The following NDUFAF2 variants were observed in gnomAD, a reference collection of about 807,000 sequenced individuals.
The protein encoded by NDUFAF2 is NADH:ubiquinone oxidoreductase complex assembly factor 2.
NDUFAF2 carries 13 observed loss-of-function variants against 22.8 expected under a neutral mutation model. The ratio of observed to expected loss-of-function variants is 0.57; its 90% CI spans 0.37 to 0.91. The LOEUF is 0.91. Ranked by LOEUF, NDUFAF2 falls within the 40% of genes least tolerant of loss-of-function variation. The pLI, the probability that NDUFAF2 is intolerant of heterozygous loss-of-function variation, is 0.01. For synonymous variants in NDUFAF2, 53 were observed against 64.2 expected (o/e 0.83, Z 0.84); for missense variants, 162 against 195.2 (o/e 0.83, Z 1.01).
intron 3 of NDUFAF2, 47 bp downstream of exon 3, chr5:61,099,079 G>T: frequency 7.5e-7 from 1 of 1,335,896 alleles, no homozygotes. Flanking sequence ...ATATTCCCAA[G>T]GATATACGAA....
At chr5:61,040,867 C>G (rs149098982) in intron 1 of NDUFAF2, among the ~76,000 whole-genome samples, 8 of 152,170 alleles carry the variant, frequency 5.3e-5, no homozygotes, top group Non-Finnish European at 1.2e-4. Flanking sequence ...AGTAGGATAA[C>G]TGTTGTTATC....
rs182338600 is a variant in NDUFAF2, at chr5:61,111,603, G to A, written c.258+12571G>A. Among the ~76,000 whole-genome samples the A allele has an allele frequency of 4.5e-3, 685 of 151,576 alleles. 2 individuals are homozygous for A. Among genetic ancestry groups the A allele is most frequent in the Non-Finnish European group, 6.0e-3 (409 of 67,810 alleles). ...AGGTGCTCGCCACTACACACAGCTA[G>A]GTTTTTTTTGTTTGTTTTTTTGTCT... On this transcript the variant is annotated intron_variant, in intron 3 of 3. Transcript: ENST00000296597.
intron 1 of NDUFAF2, among the ~76,000 whole-genome samples, chr5:61,009,554 C>T (rs1751417938): frequency 6.6e-6 from 1 of 152,068 alleles, no homozygotes; most frequent in South Asian, 2.1e-4. Context: ...TTTCAAGATT[C>T]CTTGGACCTA....
chr5:60,988,925 A>G (rs1049152572), intron 1 of NDUFAF2, among the ~76,000 whole-genome samples: 4 of 152,236 alleles, frequency 2.6e-5, no homozygotes, highest in African/African-American at 9.6e-5. Context: ...AAATTGAGAA[A>G]TGGGATCTAA....
At chr5:61,037,218 A>G (rs995865651) in intron 1 of NDUFAF2, among the ~76,000 whole-genome samples, 19 of 152,340 alleles carry the variant, frequency 1.2e-4, no homozygotes, top group East Asian at 3.9e-4. Flanking sequence ...TGAAAGTGGT[A>G]TCATTCAAAA....
chr5:61,085,344 A>C (rs1027023006), intron 2 of NDUFAF2, among the ~76,000 whole-genome samples: 1 of 152,162 alleles, frequency 6.6e-6, no homozygotes, highest in Non-Finnish European at 1.5e-5. Context: ...TTCAATATAC[A>C]TTTATGATTA....
chr5:61,080,687 T>A (rs552327537), intron 2 of NDUFAF2, among the ~76,000 whole-genome samples: 1 of 152,096 alleles, frequency 6.6e-6, no homozygotes, highest in Admixed American at 6.5e-5. Flanking sequence ...TTGCCCAGAA[T>A]TTTTTTAATT....
rs746921473 is a variant in NDUFAF2 at position 61,109,004 on chromosome 5, A to G, written c.258+9972A>G. On this transcript the variant is annotated intron_variant, in intron 3 of 3. Coordinates refer to ENST00000296597, the MANE Select transcript of NDUFAF2 (RefSeq NM_174889.5). The stretch of plus-strand genomic sequence containing the variant: ...TTCTATTTCTGTGAATGTCATTGGT[A>G]TTTTGATAGGATTTGCATTGAATCT... 7.9e-5 allele frequency among the ~76,000 whole-genome samples: 12 copies of G among 152,066 alleles called. No homozygotes were observed. In the South Asian group the frequency reaches 1.7e-3, roughly 21 times the overall value.
Position 61,006,673 on chromosome 5 carries a change from G to A in NDUFAF2, c.127+61291G>A, listed in dbSNP as rs149770755. Among the ~76,000 whole-genome samples, 1,097 of 152,126 alleles carry A rather than the reference G, an allele frequency of 7.2e-3. 10 individuals are homozygous for A. The highest frequency in any genetic ancestry group is 0.025 in the African/African-American group (1,055 of 41,522). ...GGTCCTTCACATCCCTTGTAAGTTG[G>A]ATTCCTAGCTATTTTATTCTTTTTA... On this transcript the variant is annotated intron_variant, in intron 1 of 3. Transcript: ENST00000296597.
At chr5:61,080,569 C>G (rs1418379441) in intron 2 of NDUFAF2, among the ~76,000 whole-genome samples, 1 of 152,096 alleles carries the variant, frequency 6.6e-6, no homozygotes, top group Admixed American at 6.6e-5. Context: ...GTTTTGATAT[C>G]TCATTGTGGT....
chr5:61,034,939 T>TGC (rs1751778462), intron 1 of NDUFAF2, among the ~76,000 whole-genome samples: 1 of 151,980 alleles, frequency 6.6e-6, no homozygotes, highest in Non-Finnish European at 1.5e-5. Flanking sequence ...TGTGTGTGTG[T>TGC]GTGTAACAAA....
At chr5:60,996,914 A>T (rs1751235585) in intron 1 of NDUFAF2, among the ~76,000 whole-genome samples, 1 of 152,134 alleles carries the variant, frequency 6.6e-6, no homozygotes, top group South Asian at 2.1e-4. Flanking sequence ...CGGGATATGA[A>T]GTTCAAACCA....
rs914260860 is a variant in NDUFAF2 at position 61,006,443 on chromosome 5, A to G, written c.127+61061A>G. ...AATGCGATCTCTTTTTTGGTTCCAT[A>G]TGAACTTTAAAGTAGTTTTTTCCAA... On this transcript the variant is annotated intron_variant, in intron 1 of 3. Transcript: ENST00000296597. Among the ~76,000 whole-genome samples, 7 of 152,158 alleles carry G rather than the reference A, an allele frequency of 4.6e-5. 1 individual carries two copies. The South Asian group carries it at 1.5e-3, about 32-fold the overall frequency.
intron 3 of NDUFAF2, among the ~76,000 whole-genome samples, chr5:61,136,103 C>G (rs1740934334): frequency 7.0e-6 from 1 of 142,498 alleles, no homozygotes; most frequent in African/African-American, 2.7e-5. Context: ...AGGATTGTTC[C>G]TTTTCTACTC....
intron 1 of NDUFAF2, among the ~76,000 whole-genome samples, chr5:60,985,003 G>A (rs1016451795): frequency 6.6e-6 from 1 of 152,132 alleles, no homozygotes; most frequent in East Asian, 1.9e-4. Context: ...GGTAGAATTC[G>A]GCTGTGAATT....
intron 1 of NDUFAF2, among the ~76,000 whole-genome samples, chr5:61,045,969 T>C (rs1398798982): frequency 3.9e-5 from 6 of 152,168 alleles, no homozygotes; most frequent in Admixed American, 6.6e-5. Context: ...TATGGCCTTA[T>C]TGTGTTGAGG....
Position 61,026,611 on chromosome 5 carries a change from A to G in NDUFAF2, c.128-46514A>G, listed in dbSNP as rs183980851. On this transcript the variant is annotated intron_variant, in intron 1 of 3. Coordinates refer to ENST00000296597, the MANE Select transcript of NDUFAF2 (RefSeq NM_174889.5). ...GGAATATAATACGAGCTTGTTTTCTATGTCACTGAAATAATTATTTCATGT... is the reference window on the plus strand; with the variant it reads ...GGAATATAATACGAGCTTGTTTTCTGTGTCACTGAAATAATTATTTCATGT... Among the ~76,000 whole-genome samples, 188 of 152,216 alleles carry G rather than the reference A, an allele frequency of 1.2e-3. 1 individual carries two copies. The highest frequency in any genetic ancestry group is 4.4e-3 in the African/African-American group (184 of 41,570).
intron 1 of NDUFAF2, among the ~76,000 whole-genome samples, chr5:61,033,081 A>T (rs989574412): frequency 1.5e-4 from 23 of 152,028 alleles, no homozygotes; most frequent in Admixed American, 1.5e-3. Context: ...TATTTACTCG[A>T]GTAGTAGTTT....
chr5:60,966,405 C>T (rs575669839), intron 1 of NDUFAF2, among the ~76,000 whole-genome samples: 1 of 152,066 alleles, frequency 6.6e-6, no homozygotes, highest in East Asian at 1.9e-4. Context: ...GCTTTTCTTG[C>T]CTGTGTGTTT....
Sources: allele counts gnomAD v4.1 joint callset (sites outside exome capture counted in the v4.1 genomes callset), GRCh38; gene constraint gnomAD v4.1.1; transcripts MANE v1.5; gene names NCBI Gene and HGNC (gene_info 2026-07-23, HGNC 2026-07-21).